EAF2: variants seen among roughly 807,000 people sequenced by gnomAD.
EAF2 encodes ELL associated factor 2, also known as ELL-associated factor 2.
EAF2 carries 29 observed loss-of-function variants against 29.4 expected under a neutral mutation model. The ratio of observed to expected loss-of-function variants is 0.99; its 90% CI spans 0.73 to 1.35. EAF2 has a LOEUF of 1.35. Ranked by LOEUF, EAF2 falls within the 40% of genes most tolerant of loss-of-function variation. The pLI is 0.00. For missense variants in EAF2, 292 were observed against 312.0 expected, an observed-to-expected ratio of 0.94 and a Z score of 0.48; for synonymous variants, 103 against 102.5, an observed-to-expected ratio of 1.00 and a Z score of -0.03.
intron 5 of EAF2, among the ~76,000 whole-genome samples, chr3:121,876,165 A>G (rs907480431): frequency 2.0e-5 from 3 of 151,962 alleles, no homozygotes; most frequent in African/African-American, 7.2e-5. Context: ...AAAACTACAG[A>G]GAAGACAAAC....
intron 5 of EAF2, among the ~76,000 whole-genome samples, chr3:121,874,665 T>A (rs1709067764): frequency 6.6e-6 from 1 of 151,960 alleles, no homozygotes. Context: ...ATATTTTATA[T>A]TTTAGAATTT....
chr3:121,854,980 A>C (rs1708694752), intron 3 of EAF2, among the ~76,000 whole-genome samples, 157 bp downstream of exon 3: 1 of 152,174 alleles, frequency 6.6e-6, no homozygotes, highest in Non-Finnish European at 1.5e-5. Flanking sequence ...TGGAGATCCT[A>C]AGCAAAAAGC....
At chr3:121,839,381 G>T (rs1708364181) in intron 1 of EAF2, among the ~76,000 whole-genome samples, 1 of 152,106 alleles carries the variant, frequency 6.6e-6, no homozygotes, top group African/African-American at 2.4e-5. Flanking sequence ...TACCCTGCTG[G>T]CCTCTCTAAA....
At chr3:121,882,074 C>T (rs1311997769) in intron 5 of EAF2, among the ~76,000 whole-genome samples, 1 of 152,026 alleles carries the variant, frequency 6.6e-6, no homozygotes, top group Non-Finnish European at 1.5e-5. Flanking sequence ...TGAGGCTGGG[C>T]ATGGTAGTTC....
At chr3:121,861,624 AATT>A (rs1307705424) in intron 4 of EAF2, among the ~76,000 whole-genome samples, 1 of 152,082 alleles carries the variant, frequency 6.6e-6, no homozygotes, top group Non-Finnish European at 1.5e-5. Flanking sequence ...CTCTTTATCC[AATT>A]TGCCAGTCTG....
chr3:121,881,330 T>C (rs993933917), intron 5 of EAF2, among the ~76,000 whole-genome samples: 18 of 152,160 alleles, frequency 1.2e-4, no homozygotes, highest in Admixed American at 1.2e-3. Flanking sequence ...ATTGAAGCCA[T>C]CAGGTCCTGA....
intron 4 of EAF2, among the ~76,000 whole-genome samples, chr3:121,870,546 C>G (rs1230934080): frequency 6.6e-6 from 1 of 152,008 alleles, no homozygotes; most frequent in Non-Finnish European, 1.5e-5. Context: ...CAAGAAGGAG[C>G]CAGCCTTTCA....
At chr3:121,836,425 A>G (rs1708285268) in intron 1 of EAF2, among the ~76,000 whole-genome samples, 1 of 152,224 alleles carries the variant, frequency 6.6e-6, no homozygotes, top group Admixed American at 6.5e-5. Context: ...CATTCTCCCA[A>G]AAGTTTATTT....
chr3:121,865,688 G>T (rs896193550), intron 4 of EAF2, among the ~76,000 whole-genome samples: 1 of 151,954 alleles, frequency 6.6e-6, no homozygotes, highest in African/African-American at 2.4e-5. Context: ...TTTTAAAAAA[G>T]AAATAAGATG....
chr3:121,885,674 T>C (rs940834388), intron 5 of EAF2, among the ~76,000 whole-genome samples: 7 of 152,232 alleles, frequency 4.6e-5, no homozygotes, highest in African/African-American at 1.4e-4. Context: ...ACCTCCACAT[T>C]CTCCATTTTT....
chr3:121,844,022 A>G lies in EAF2; in HGVS notation c.107-431A>G, dbSNP rs147444495. ...TGCTTTAAAAAAAATTTATGGGCCA[A>G]CATTCATGAACTAAGTCAGCAGCCA... On this transcript the variant is annotated intron_variant, in intron 1 of 5. Coordinates refer to ENST00000273668, the MANE Select transcript of EAF2 (RefSeq NM_018456.6). Among the ~76,000 whole-genome samples the G allele has an allele frequency of 5.8e-3, 889 of 152,282 alleles. 18 individuals carry two copies. The highest frequency in any genetic ancestry group is 0.021 in the African/African-American group (854 of 41,578).
intron 5 of EAF2, among the ~76,000 whole-genome samples, chr3:121,884,436 T>TTTA (rs1709246215): frequency 1.4e-5 from 2 of 147,572 alleles, no homozygotes; most frequent in Admixed American, 1.3e-4. Context: ...TATTTATTTA[T>TTTA]TTTTTTTTTT....
chr3:121,854,913 G>T, intron 3 of EAF2, 90 bp downstream of exon 3: 1 of 1,203,198 alleles, frequency 8.3e-7, no homozygotes, highest in Non-Finnish European at 1.1e-6. Context: ...TTATAATATA[G>T]GAGTTATTTC....
chr3:121,881,746 G>A (rs1457238154), intron 5 of EAF2, among the ~76,000 whole-genome samples: 1 of 151,934 alleles, frequency 6.6e-6, no homozygotes, highest in African/African-American at 2.4e-5. Context: ...CCTGAGCTCA[G>A]GCAATCCACC....
chr3:121,862,609 G>A (rs1053826318), intron 4 of EAF2, among the ~76,000 whole-genome samples: 1 of 152,144 alleles, frequency 6.6e-6, no homozygotes, highest in African/African-American at 2.4e-5. Context: ...TTTGCGATGG[G>A]TTCGAACATC....
chr3:121,877,931 G>A (rs768600376), intron 5 of EAF2, among the ~76,000 whole-genome samples: 4 of 152,018 alleles, frequency 2.6e-5, no homozygotes, highest in Non-Finnish European at 4.4e-5. Context: ...GCAGGCATAT[G>A]CCACTGTGTC....
At chr3:121,882,555 C>G (rs1709205753) in intron 5 of EAF2, among the ~76,000 whole-genome samples, 1 of 151,570 alleles carries the variant, frequency 6.6e-6, no homozygotes, top group South Asian at 2.1e-4. Flanking sequence ...ATTGAATTTG[C>G]TAGCAAATAC....
intron 4 of EAF2, among the ~76,000 whole-genome samples, chr3:121,869,636 G>A (rs576814512): frequency 2.6e-5 from 4 of 152,198 alleles, no homozygotes; most frequent in Admixed American, 6.5e-5. Flanking sequence ...CAACACTTTC[G>A]GAGGCCAAGG....
At chr3:121,840,528 G>A (rs1189955731) in intron 1 of EAF2, among the ~76,000 whole-genome samples, 15 of 93,288 alleles carry the variant, frequency 1.6e-4, no homozygotes, top group Non-Finnish European at 2.6e-4. Flanking sequence ...AAAACGGGCC[G>A]GGTGCGGTGG....
Sources: gnomAD v4.1 joint callset for allele counts (sites outside exome capture counted in the v4.1 genomes callset) on GRCh38, gnomAD v4.1.1 for gene constraint, MANE v1.5 for transcripts, NCBI Gene and HGNC (gene_info 2026-07-23, HGNC 2026-07-21) for gene names.